Variants in RCCD1 observed in about 807,000 individuals in gnomAD.
RCCD1 encodes the protein RCC1 domain containing 1.
Under a neutral mutation model 37.6 loss-of-function variants are expected in RCCD1, and 40 were observed. That is an observed-to-expected ratio of 1.06 (90% CI 0.83 to 1.39). The LOEUF (loss-of-function observed/expected upper bound fraction) is 1.39, where lower values mean the gene tolerates loss of function less well. Among genes scored for constraint, RCCD1 ranks in the 40% most tolerant of loss-of-function variants. The pLI, the probability that RCCD1 is intolerant of heterozygous loss-of-function variation, is 0.00. For synonymous variants in RCCD1, 263 were observed against 230.0 expected (o/e 1.14, Z -1.30); for missense variants, 577 against 517.3 (o/e 1.12, Z -1.12).
chr15:90,960,138 T>C (rs985023513), intron 5 of RCCD1, 140 bp downstream of exon 5: 8 of 922,280 alleles, frequency 8.7e-6, no homozygotes, highest in Non-Finnish European at 1.3e-5. Flanking sequence ...TTGGCAAGGC[T>C]GATGCCGGTC....
At chr15:90,956,988 C>T (rs926172487) in intron 2 of RCCD1, 88 bp downstream of exon 2, 1 of 1,285,716 alleles carries the variant, frequency 7.8e-7, no homozygotes, top group Non-Finnish European at 9.8e-7. Flanking sequence ...AGTTTGTCTC[C>T]CCCGTTCAGG....
intron 4 of RCCD1, among the ~76,000 whole-genome samples, chr15:90,958,255 C>T (rs768470539): frequency 5.9e-5 from 9 of 152,140 alleles, no homozygotes; most frequent in African/African-American, 1.2e-4. Context: ...GAGGGTGAGG[C>T]TGGGAACAGA....
chr15:90,959,191 G>A (rs911664595), intron 4 of RCCD1, among the ~76,000 whole-genome samples: 8 of 152,192 alleles, frequency 5.3e-5, no homozygotes, highest in African/African-American at 1.4e-4. Context: ...GGGATCCTGC[G>A]TAAATGGTGA....
Position 90,957,729 on chromosome 15 carries a change from A to G in RCCD1, c.679+4A>G, listed in dbSNP as rs372505986. 10 of 1,600,012 alleles carry G rather than the reference A, an allele frequency of 6.2e-6. No homozygotes were observed. The highest frequency in any genetic ancestry group is 8.5e-6 in the Non-Finnish European group (10 of 1,172,472). On this transcript the variant is annotated splice_donor_region_variant and intron_variant, in intron 4 of 7. Transcript: ENST00000394258. ...TGGCATTCTGTGTGTGTGAGTGGTG[A>G]GTGACTTAGTGCTTCTCCAGACGAG...
intron 6 of RCCD1, 23 bp downstream of exon 6, chr15:90,960,521 C>A: frequency 6.3e-7 from 1 of 1,594,372 alleles, no homozygotes; most frequent in South Asian, 1.1e-5. Context: ...GGGAGGCACT[C>A]TGCTCCACTC....
At chr15:90,960,176 CCAG>C (rs1342709975) in intron 5 of RCCD1, 149 bp from the exon 6 acceptor site, 1 of 946,016 alleles carries the variant, frequency 1.1e-6, no homozygotes, top group Non-Finnish European at 1.6e-6. Flanking sequence ...TGCAGCAGTG[CCAG>C]CCCTGCCTGC....
Position 90,960,944 on chromosome 15 carries a change from G to A in RCCD1, c.950-81G>A, listed in dbSNP as rs374012625. 62 of 1,300,694 alleles carry A rather than the reference G, an allele frequency of 4.8e-5. 1 individual carries two copies. Among genetic ancestry groups the A allele is most frequent in the Non-Finnish European group, 6.5e-5 (58 of 894,300 alleles). 80.6% of individuals were successfully genotyped at this position (1,300,694 alleles called of 1,614,324 possible). On this transcript the variant is annotated intron_variant, in intron 6 of 7. Coordinates refer to ENST00000394258, the MANE Select transcript of RCCD1 (RefSeq NM_001017919.2). ...TCATGAGGATTGTAATATGCTAGCT[G>A]TGGGCTGTGCCAAGCTGGGCTGGAC...
At chr15:90,960,148 C>A in intron 5 of RCCD1, 150 bp downstream of exon 5, 1 of 908,660 alleles carries the variant, frequency 1.1e-6, no homozygotes, top group Non-Finnish European at 1.7e-6. Flanking sequence ...TGATGCCGGT[C>A]TTGGCACAAC....
intron 7 of RCCD1, chr15:90,961,370 T>C (rs1165445048): frequency 5.2e-6 from 3 of 581,644 alleles, no homozygotes; most frequent in Non-Finnish European, 6.1e-6. Context: ...AAAGATTCGA[T>C]GGAAGTGTGT....
chr15:90,956,777 TG>T lies in RCCD1; in HGVS notation c.44del (p.Cys15SerfsTer30). On this transcript the variant is annotated frameshift_variant, in exon 2 of 8. Coordinates refer to ENST00000394258, the MANE Select transcript of RCCD1 (RefSeq NM_001017919.2). LOFTEE classifies it high-confidence loss of function. ...RPGAWFGFGFCGFGQELGSGR... is the reference protein window; with the variant it reads ...RPGAWFGFGFXGFGQELGSGR... ...GGGGGCCTGGTTCGGCTTCGGTTTCTGCGGCTTCGGGCAGGAGCTGGGCTCC... is the reference window on the plus strand; with the variant it reads ...GGGGGCCTGGTTCGGCTTCGGTTTCTCGGCTTCGGGCAGGAGCTGGGCTCC... 1 of 1,335,232 alleles carries T rather than the reference TG, an allele frequency of 7.5e-7. No individual in the cohort carries two copies. The highest frequency in any genetic ancestry group is 2.3e-5 in the South Asian group (1 of 44,312). 82.7% of individuals were successfully genotyped at this position (1,335,232 alleles called of 1,614,324 possible).
At chr15:90,956,174 T>C (rs1851180401) in intron 1 of RCCD1, among the ~76,000 whole-genome samples, 1 of 152,230 alleles carries the variant, frequency 6.6e-6, no homozygotes, top group African/African-American at 2.4e-5. Flanking sequence ...CCAAACGCTC[T>C]TCTGCGTTCC....
At chr15:90,957,560 A>G (rs1204402422) in intron 3 of RCCD1, 44 bp from the exon 4 acceptor site, 3 of 1,612,170 alleles carry the variant, frequency 1.9e-6, no homozygotes, top group Non-Finnish European at 8.5e-7. Context: ...GCGGAGCGGG[A>G]CCCCTTAATG....
At chr15:90,957,086 G>C in intron 2 of RCCD1, 27 bp from the exon 3 acceptor site, 2 of 1,322,832 alleles carry the variant, frequency 1.5e-6, no homozygotes, top group East Asian at 3.1e-5. Context: ...CTCCATTCTG[G>C]CCACCCTGCT....
At chr15:90,961,341 T>C (rs909652334) in intron 7 of RCCD1, 3 of 581,766 alleles carry the variant, frequency 5.2e-6, no homozygotes, top group African/African-American at 3.7e-5. Context: ...TTTTTGTGGA[T>C]GTGACACTGG....
chr15:90,957,020 T>A, intron 2 of RCCD1, 93 bp from the exon 3 acceptor site: 2 of 1,286,546 alleles, frequency 1.6e-6, no homozygotes, highest in Non-Finnish European at 2.0e-6. Flanking sequence ...ACATTCTGGG[T>A]TGGTCCCCAA....
chr15:90,957,367 CG>C lies in RCCD1; in HGVS notation c.422del (p.Arg141LeufsTer4). 6.5e-7 allele frequency: 1 copy of C among 1,545,602 alleles called. No individual in the cohort carries two copies. The highest frequency in any genetic ancestry group is 8.7e-7 in the Non-Finnish European group (1 of 1,145,994). ...AGRLPLLPCA[R>X]AYVSPRAPFY... ...GAGGCTACCCCTGCTGCCCTGCGCC[CG>C]TGCCTACGTGAGCCCGCGGGCGCCC... On this transcript the variant is annotated frameshift_variant, in exon 3 of 8. Coordinates refer to ENST00000394258, the MANE Select transcript of RCCD1 (RefSeq NM_001017919.2). LOFTEE classifies it high-confidence loss of function.
intron 5 of RCCD1, 62 bp from the exon 6 acceptor site, chr15:90,960,266 T>A: frequency 6.7e-7 from 1 of 1,493,082 alleles, no homozygotes; most frequent in Non-Finnish European, 9.1e-7. Context: ...AATAAGTGAC[T>A]GCATGAATAA....
At position 90,961,987 on chromosome 15, in the gene RCCD1, C is replaced by A; in HGVS notation, c.*218C>A. Reference sequence around the variant, plus strand: ...TCAGCATCAATCAAAACAATGAAATCAATGAAACAATGAAACCAGAGCTTC... The same window carrying A: ...TCAGCATCAATCAAAACAATGAAATAAATGAAACAATGAAACCAGAGCTTC... On this transcript the variant is annotated 3_prime_UTR_variant, in exon 8 of 8. Coordinates refer to ENST00000394258, the MANE Select transcript of RCCD1 (RefSeq NM_001017919.2). The A allele has an allele frequency of 5.8e-6, 2 of 346,988 alleles. No individual in the cohort carries two copies. The highest frequency in any genetic ancestry group is 4.4e-5 in the Admixed American group (1 of 22,924). 21.5% of individuals were successfully genotyped at this position (346,988 alleles called of 1,614,324 possible). A position where few individuals can be genotyped will look rare whatever the true frequency, so the allele number is the denominator to read the frequency against.
At chr15:90,960,555 T>C in intron 6 of RCCD1, 57 bp downstream of exon 6, 1 of 1,529,648 alleles carries the variant, frequency 6.5e-7, no homozygotes, top group Non-Finnish European at 8.8e-7. Context: ...CGGAAGGGGG[T>C]GTGGTCGACG....
Sources: gnomAD v4.1 joint callset for allele counts (sites outside exome capture counted in the v4.1 genomes callset) on GRCh38, gnomAD v4.1.1 for gene constraint, MANE v1.5 for transcripts, NCBI Gene and HGNC (gene_info 2026-07-23, HGNC 2026-07-21) for gene names.